TENM3: variants seen among roughly 807,000 people sequenced by gnomAD.
TENM3 encodes the protein teneurin-3.
A neutral mutation model predicts 255.1 loss-of-function variants in TENM3; 63 were observed. That is an observed-to-expected ratio of 0.25 (90% confidence interval 0.20 to 0.30). The LOEUF (loss-of-function observed/expected upper bound fraction) is 0.30, where lower values mean the gene tolerates loss of function less well. Ranked by LOEUF, TENM3 falls within the 10% of genes least tolerant of loss-of-function variation. TENM3 has a pLI of 1.00. For missense variants in TENM3, 2,929 were observed against 3,461.1 expected (o/e 0.85, Z 3.86); for synonymous variants, 1,306 against 1,322.3 (o/e 0.99, Z 0.27).
intron 3 of TENM3, among the ~76,000 whole-genome samples, chr4:182,541,978 G>T (rs550995818): frequency 2.6e-5 from 4 of 152,056 alleles, no homozygotes; most frequent in African/African-American, 9.7e-5. Context: ...TGGGAGGATC[G>T]CTTGAGCCCA....
the TENM3 span, among the ~76,000 whole-genome samples, chr4:181,498,290 G>A: frequency 1.3e-5 from 2 of 152,114 alleles, no homozygotes; most frequent in African/African-American, 2.4e-5. Flanking sequence ...ATAGTCAAGT[G>A]TGTGAAAAAA....
At chr4:182,590,902 C>A (rs1484813901) in intron 3 of TENM3, among the ~76,000 whole-genome samples, 1 of 152,038 alleles carries the variant, frequency 6.6e-6, no homozygotes, top group African/African-American at 2.4e-5. Context: ...CAGAAACTGG[C>A]AGACCTCCTC....
chr4:181,466,156 C>T, the TENM3 span, among the ~76,000 whole-genome samples: 3 of 134,118 alleles, frequency 2.2e-5, no homozygotes, highest in East Asian at 4.2e-4. Flanking sequence ...TCTCTCTTGT[C>T]CCCCAGGCTA....
In TENM3 at chr4:182,653,884, G is replaced by A. The variant is rs771928130; in HGVS notation, c.1102G>A (p.Gly368Arg). ...AACAAACACTGTGTCATTACCTTCT[G>A]GAGACAATGGTAAGCGAAAGAATTA... ...MPTNTVSLPSGDNGKLGGFTQ... is the reference protein window; with the variant it reads ...MPTNTVSLPSRDNGKLGGFTQ... The change falls in exon 6 of 28, where the codon GGA (glycine) becomes AGA (arginine). Residue 368 changes from glycine (G) to arginine (R), a missense_variant. Around this residue, in one of 6 missense-constraint regions of TENM3, gnomAD observed 1,608 missense variants for 1,884.4 expected, o/e 0.85. Transcript: ENST00000511685. The A allele has an allele frequency of 6.2e-7, 1 of 1,608,516 alleles. No individual in the cohort carries two copies. Among genetic ancestry groups the A allele is most frequent in the East Asian group, 2.2e-5 (1 of 44,568 alleles).
the TENM3 span, among the ~76,000 whole-genome samples, chr4:181,521,048 C>T: frequency 6.6e-6 from 1 of 150,976 alleles, no homozygotes; most frequent in East Asian, 2.0e-4. Context: ...AGCCACTCAG[C>T]AATACAGCTC....
the TENM3 span, among the ~76,000 whole-genome samples, chr4:181,787,366 T>C: frequency 6.9e-6 from 1 of 145,010 alleles, no homozygotes; most frequent in Non-Finnish European, 1.5e-5. Flanking sequence ...TGAGACGGAG[T>C]CTCACTCTGT....
the TENM3 span, among the ~76,000 whole-genome samples, chr4:181,798,702 C>T: frequency 2.6e-5 from 4 of 152,240 alleles, no homozygotes; most frequent in Admixed American, 2.0e-4. Context: ...CTTTCATTTC[C>T]CTTCTTTATA....
chr4:181,959,707 T>C, the TENM3 span, among the ~76,000 whole-genome samples: 3 of 152,212 alleles, frequency 2.0e-5, no homozygotes, highest in Non-Finnish European at 4.4e-5. Context: ...TAATTCATAT[T>C]ACAGATTTTA....
intron 3 of TENM3, among the ~76,000 whole-genome samples, chr4:182,524,275 A>G (rs1738888459): frequency 1.3e-5 from 2 of 152,066 alleles, no homozygotes; most frequent in Non-Finnish European, 2.9e-5. Flanking sequence ...ACATGTCAAA[A>G]ATCTTGCATT....
intron 6 of TENM3, among the ~76,000 whole-genome samples, chr4:182,655,251 T>C (rs982283825): frequency 7.9e-5 from 12 of 152,220 alleles, no homozygotes; most frequent in Admixed American, 7.2e-4. Context: ...CCTGTGAAGA[T>C]GATCGAATGG....
intron 13 of TENM3, among the ~76,000 whole-genome samples, chr4:182,723,435 T>A (rs1561160446): frequency 6.6e-6 from 1 of 152,186 alleles, no homozygotes; most frequent in African/African-American, 2.4e-5. Flanking sequence ...AAGTACCAAA[T>A]ACTGTGGGGA....
intron 3 of TENM3, among the ~76,000 whole-genome samples, chr4:182,413,140 A>G (rs10520530): frequency 0.013 from 2,013 of 152,256 alleles, 24 homozygotes; most frequent in Non-Finnish European, 0.021. Flanking sequence ...TCTACAAAGT[A>G]TAATATGAAC....
the TENM3 span, among the ~76,000 whole-genome samples, chr4:182,108,585 C>A: frequency 6.6e-6 from 1 of 152,194 alleles, no homozygotes; most frequent in African/African-American, 2.4e-5. Flanking sequence ...TGAATGAGAC[C>A]TATTCCCTCC....
chr4:182,022,346 G>C, the TENM3 span, among the ~76,000 whole-genome samples: 1 of 151,964 alleles, frequency 6.6e-6, no homozygotes, highest in Non-Finnish European at 1.5e-5. Flanking sequence ...GAAGCATTGG[G>C]TATACATGGA....
chr4:181,634,124 A>C, the TENM3 span, among the ~76,000 whole-genome samples: 1 of 152,160 alleles, frequency 6.6e-6, no homozygotes, highest in Admixed American at 6.5e-5. Flanking sequence ...GTCTTGTCAC[A>C]ATTTAGAATA....
the TENM3 span, among the ~76,000 whole-genome samples, chr4:181,460,981 C>T: frequency 4.0e-5 from 6 of 151,800 alleles, no homozygotes; most frequent in African/African-American, 7.2e-5. Flanking sequence ...TATCTATGTC[C>T]ATTCAAATTT....
At chr4:181,556,065 G>A in the TENM3 span, among the ~76,000 whole-genome samples, 4 of 152,158 alleles carry the variant, frequency 2.6e-5, no homozygotes, top group Non-Finnish European at 5.9e-5. Flanking sequence ...CCTTAGGGAT[G>A]TTTTATTCTC....
intron 3 of TENM3, among the ~76,000 whole-genome samples, chr4:182,583,767 A>G (rs1469465699): frequency 2.6e-5 from 4 of 152,270 alleles, no homozygotes; most frequent in African/African-American, 9.6e-5. Flanking sequence ...TAAAATATAC[A>G]TTTTGGCAAT....
intron 1 of TENM3, among the ~76,000 whole-genome samples, chr4:182,202,827 A>G (rs1451502297): frequency 6.6e-6 from 1 of 152,170 alleles, no homozygotes; most frequent in South Asian, 2.1e-4. Context: ...CTGTAAGGGC[A>G]GGGCAACATT....
Sources: allele counts gnomAD v4.1 joint callset (sites outside exome capture counted in the v4.1 genomes callset), GRCh38; gene constraint gnomAD v4.1.1; regional missense constraint gnomAD v4.1.1; transcripts MANE v1.5; gene names NCBI Gene and HGNC (gene_info 2026-07-23, HGNC 2026-07-21).